The following MOB3B variants were observed in gnomAD, a reference collection of about 807,000 sequenced individuals.
MOB3B encodes the protein MOB kinase activator 3B, also known as MOB kinase activator-like 2B.
A neutral mutation model predicts 18.7 loss-of-function variants in MOB3B; 7 were observed. The ratio of observed to expected loss-of-function variants is 0.37; its 90% CI spans 0.21 to 0.70. MOB3B has a LOEUF of 0.70. Among genes scored for constraint, MOB3B ranks in the 30% least tolerant of loss-of-function variants. The pLI, the probability that MOB3B is intolerant of heterozygous loss-of-function variation, is 0.52. For missense variants in MOB3B, 253 were observed against 281.3 expected (o/e 0.90, Z 0.72); for synonymous variants, 111 against 99.9 (o/e 1.11, Z -0.66).
At chr9:27,456,738 C>T (rs111676577) in intron 1 of MOB3B, among the ~76,000 whole-genome samples, 205 of 152,266 alleles carry the variant, frequency 1.3e-3, no homozygotes, top group African/African-American at 4.3e-3. Flanking sequence ...TTTCTGTTTC[C>T]GTGATAATGC....
intron 2 of MOB3B, among the ~76,000 whole-genome samples, chr9:27,374,087 T>C (rs1821458546): frequency 6.6e-6 from 1 of 152,274 alleles, no homozygotes; most frequent in Non-Finnish European, 1.5e-5. Flanking sequence ...TACTTTGCTT[T>C]TTCTGTTGAT....
intron 1 of MOB3B, among the ~76,000 whole-genome samples, chr9:27,477,228 T>C (rs1301121627): frequency 6.6e-6 from 1 of 152,218 alleles, no homozygotes; most frequent in Non-Finnish European, 1.5e-5. Flanking sequence ...GTTGCCTTAA[T>C]AAATCTCTTG....
At chr9:27,521,836 C>G (rs968199669) in intron 1 of MOB3B, among the ~76,000 whole-genome samples, 8 of 152,188 alleles carry the variant, frequency 5.3e-5, no homozygotes, top group Non-Finnish European at 1.0e-4. Context: ...TTTCAAAATA[C>G]TCTAGAGTAG....
chr9:27,326,246 G>T lies in MOB3B; in HGVS notation c.*4341C>A, dbSNP rs1587132556. On this transcript the variant is annotated 3_prime_UTR_variant, in exon 4 of 4. Transcript: ENST00000262244. ...GAGAGCTTTGGGAAGGTTTCACGTTGAGTTACATCAGTGGTCAACAATGGA... is the reference window on the plus strand; with the variant it reads ...GAGAGCTTTGGGAAGGTTTCACGTTTAGTTACATCAGTGGTCAACAATGGA... 20 of 384,968 alleles carry T rather than the reference G, an allele frequency of 5.2e-5. 1 individual carries two copies. In the East Asian group the frequency reaches 7.4e-4, roughly 14 times the overall value. 23.8% of individuals were successfully genotyped at this position (384,968 alleles called of 1,614,324 possible).
At chr9:27,381,669 C>T (rs964601992) in intron 2 of MOB3B, among the ~76,000 whole-genome samples, 27 of 152,204 alleles carry the variant, frequency 1.8e-4, no homozygotes, top group Middle Eastern at 3.4e-3. Context: ...GTTTAAGAGA[C>T]AGGGTCTCAC....
intron 2 of MOB3B, among the ~76,000 whole-genome samples, chr9:27,414,464 T>C (rs1256843934): frequency 1.3e-5 from 2 of 152,240 alleles, no homozygotes; most frequent in East Asian, 1.9e-4. Flanking sequence ...GGCTGGTCAG[T>C]GGGATGACCC....
At chr9:27,519,026 C>T (rs60376227) in intron 1 of MOB3B, among the ~76,000 whole-genome samples, 8,719 of 152,230 alleles carry the variant, frequency 0.057, 421 homozygotes, top group African/African-American at 0.13. Context: ...TGACCAGCCT[C>T]GGGGAATCCC....
rs1820767738 is a variant in MOB3B, at chr9:27,330,286, C to T, written c.*301G>A. 3.3e-6 allele frequency: 1 copy of T among 299,398 alleles called. No homozygotes were observed. The highest frequency in any genetic ancestry group is 5.1e-5 in the Admixed American group (1 of 19,584). 18.5% of individuals were successfully genotyped at this position (299,398 alleles called of 1,614,324 possible). The stretch of plus-strand genomic sequence containing the variant: ...CTTAGGCGGCAGGTCACAGGCAGAA[C>T]TGTGCCATGTGTGGAAGTGCAGAGG... On this transcript the variant is annotated 3_prime_UTR_variant, in exon 4 of 4. Coordinates refer to ENST00000262244, the MANE Select transcript of MOB3B (RefSeq NM_024761.5).
At position 27,479,502 on chromosome 9, in the gene MOB3B, A is replaced by C. The variant is rs1306182090; in HGVS notation, c.-198-23754T>G. Among the ~76,000 whole-genome samples the C allele has an allele frequency of 3.3e-5, 5 of 152,364 alleles. No individual in the cohort carries two copies. The East Asian group carries it at 7.7e-4, about 23-fold the overall frequency. On this transcript the variant is annotated intron_variant, in intron 1 of 3. Transcript: ENST00000262244. ...TCATACCAAAAAAGAGAGACTATCC[A>C]ATTCATAGACCCTTGCTGAAAGAAA...
chr9:27,334,577 G>A (rs1820835877), intron 3 of MOB3B, among the ~76,000 whole-genome samples: 1 of 152,138 alleles, frequency 6.6e-6, no homozygotes, highest in Non-Finnish European at 1.5e-5. Flanking sequence ...TTAGCAGTTG[G>A]AAGAAGTTCT....
At chr9:27,423,361 G>C (rs764727954) in intron 2 of MOB3B, among the ~76,000 whole-genome samples, 2 of 149,708 alleles carry the variant, frequency 1.3e-5, no homozygotes, top group African/African-American at 2.5e-5. Context: ...GAATATCTTT[G>C]GCCCCCATAC....
chr9:27,354,872 G>C (rs1821163695), intron 3 of MOB3B, among the ~76,000 whole-genome samples: 1 of 152,174 alleles, frequency 6.6e-6, no homozygotes, highest in African/African-American at 2.4e-5. Flanking sequence ...AGGGAAGACA[G>C]AATTCAGGAA....
intron 2 of MOB3B, among the ~76,000 whole-genome samples, chr9:27,382,497 C>T (rs1290854581): frequency 2.0e-5 from 3 of 152,102 alleles, no homozygotes; most frequent in Non-Finnish European, 4.4e-5. Flanking sequence ...CCCCCTTCAC[C>T]CCCATGGCTG....
At chr9:27,523,767 G>A (rs933505063) in intron 1 of MOB3B, among the ~76,000 whole-genome samples, 7 of 152,134 alleles carry the variant, frequency 4.6e-5, no homozygotes, top group African/African-American at 1.7e-4. Flanking sequence ...AAATATAGAA[G>A]CTTAATTTAA....
At chr9:27,492,695 G>C (rs539161268) in intron 1 of MOB3B, among the ~76,000 whole-genome samples, 2 of 152,312 alleles carry the variant, frequency 1.3e-5, no homozygotes, top group African/African-American at 4.8e-5. Flanking sequence ...TCCAGTTTTA[G>C]AGCTATTTGG....
chr9:27,335,384 A>AACTGG (rs1247894503), intron 3 of MOB3B, among the ~76,000 whole-genome samples: 1 of 152,206 alleles, frequency 6.6e-6, no homozygotes, highest in Non-Finnish European at 1.5e-5. Flanking sequence ...TTAGTGGCAG[A>AACTGG]ACTGGACTGC....
intron 3 of MOB3B, among the ~76,000 whole-genome samples, chr9:27,337,913 T>A (rs143088518): frequency 1.3e-5 from 2 of 152,216 alleles, no homozygotes; most frequent in Non-Finnish European, 2.9e-5. Context: ...AATCGTCCAG[T>A]TTGAAGGGCT....
chr9:27,419,920 A>G (rs957093968), intron 2 of MOB3B, among the ~76,000 whole-genome samples: 1 of 152,118 alleles, frequency 6.6e-6, no homozygotes, highest in Non-Finnish European at 1.5e-5. Flanking sequence ...CAAAAGACCA[A>G]TATCCAGAAT....
At chr9:27,458,624 C>T (rs1343422525) in intron 1 of MOB3B, among the ~76,000 whole-genome samples, 1 of 135,150 alleles carries the variant, frequency 7.4e-6, no homozygotes. Context: ...GATCATGGCT[C>T]ACTGCAGCCT....
Sources: allele counts gnomAD v4.1 joint callset (sites outside exome capture counted in the v4.1 genomes callset), GRCh38; gene constraint gnomAD v4.1.1; transcripts MANE v1.5; gene names NCBI Gene and HGNC (gene_info 2026-07-23, HGNC 2026-07-21).